The following NKAIN3 variants were observed in gnomAD, a reference collection of about 807,000 sequenced individuals.
NKAIN3 encodes sodium/potassium-transporting ATPase subunit beta-1-interacting protein 3.
A neutral mutation model predicts 30.2 loss-of-function variants in NKAIN3; 25 were observed. The observed-to-expected ratio is 0.83, with a 90% CI of 0.60 to 1.16. The LOEUF (loss-of-function observed/expected upper bound fraction) is 1.16, where lower values mean the gene tolerates loss of function less well. Ranked by LOEUF, NKAIN3 falls within the 50% of genes most tolerant of loss-of-function variation. The probability of loss-of-function intolerance (pLI) is 0.00; values close to 1 mark genes in which losing one functional copy is unlikely to be tolerated. For synonymous variants in NKAIN3, 91 were observed against 89.6 expected, an observed-to-expected ratio of 1.02 and a Z score of -0.09; for missense variants, 225 against 254.1, an observed-to-expected ratio of 0.89 and a Z score of 0.78.
chr8:62,719,676 A>T (rs1815020175), intron 3 of NKAIN3, among the ~76,000 whole-genome samples: 1 of 152,070 alleles, frequency 6.6e-6, no homozygotes, highest in South Asian at 2.1e-4. Flanking sequence ...CAGGTAAGTC[A>T]TAACTATCAC....
chr8:62,728,743 C>T (rs1481232030), intron 3 of NKAIN3, among the ~76,000 whole-genome samples: 1 of 151,908 alleles, frequency 6.6e-6, no homozygotes, highest in Non-Finnish European at 1.5e-5. Context: ...GTAATCCCAG[C>T]ACTTTGGGAG....
At chr8:62,932,071 T>G (rs1822634559) in intron 5 of NKAIN3, among the ~76,000 whole-genome samples, 1 of 152,226 alleles carries the variant, frequency 6.6e-6, no homozygotes, top group African/African-American at 2.4e-5. Flanking sequence ...AATTTTAGAC[T>G]TTTAAGTCCC....
rs1168169616 is a variant in NKAIN3 at position 62,482,191 on chromosome 8, A to AT, written c.55-97342dup. The AT allele has an allele frequency of 4.6e-5, 7 of 152,032 alleles. No homozygotes were observed. The East Asian group carries it at 1.4e-3, about 29-fold the overall frequency. The allele number at this position is 152,032 out of a possible 1,614,324, so 9.4% of individuals were successfully genotyped here. On this transcript the variant is annotated intron_variant, in intron 1 of 6. Coordinates refer to ENST00000623646, the MANE Select transcript of NKAIN3 (RefSeq NM_001304533.3). ...TCTCACACATGTCTTTGCTTTCTTT[A>AT]TTTTTTAATTCTAAGGTTAATTTTT...
intron 1 of NKAIN3, among the ~76,000 whole-genome samples, chr8:62,462,243 T>G (rs1007052389): frequency 1.3e-5 from 2 of 152,050 alleles, no homozygotes; most frequent in African/African-American, 4.8e-5. Flanking sequence ...TCAAAGAAGT[T>G]AGGCATAAGA....
chr8:62,717,000 T>C (rs779428968), intron 3 of NKAIN3, among the ~76,000 whole-genome samples: 5 of 152,158 alleles, frequency 3.3e-5, no homozygotes, highest in Non-Finnish European at 5.9e-5. Context: ...GTGCCTGATA[T>C]CCTAAATTAC....
At chr8:62,672,810 G>A (rs1813348491) in intron 3 of NKAIN3, among the ~76,000 whole-genome samples, 1 of 152,186 alleles carries the variant, frequency 6.6e-6, no homozygotes, top group African/African-American at 2.4e-5. Flanking sequence ...TTCATAGTAT[G>A]TGTCCATTTA....
intron 4 of NKAIN3, among the ~76,000 whole-genome samples, chr8:62,771,045 T>C (rs1816991851): frequency 6.7e-6 from 1 of 148,272 alleles, no homozygotes; most frequent in South Asian, 2.2e-4. Context: ...AAATAGATAT[T>C]TGTCTCTAAT....
chr8:62,817,379 T>A (rs540062943), intron 4 of NKAIN3, among the ~76,000 whole-genome samples: 1 of 152,284 alleles, frequency 6.6e-6, no homozygotes, highest in African/African-American at 2.4e-5. Flanking sequence ...ATTTTCAAAT[T>A]TTAGCTGTTA....
intron 1 of NKAIN3, among the ~76,000 whole-genome samples, chr8:62,517,837 A>G (rs1332002435): frequency 2.6e-5 from 4 of 152,128 alleles, no homozygotes; most frequent in South Asian, 4.1e-4. Flanking sequence ...CTAGTTCTCA[A>G]TGTTTGCTTT....
Position 62,965,372 on chromosome 8 carries a change from A to G in NKAIN3, c.622A>G (p.Ile208Val). 1 of 985,790 alleles carries G rather than the reference A, an allele frequency of 1.0e-6. No homozygotes were observed. The highest frequency in any genetic ancestry group is 1.2e-6 in the Non-Finnish European group (1 of 829,902). The allele number at this position is 985,790 out of a possible 1,614,324, so 61.1% of individuals were successfully genotyped here. Reference protein sequence around the residue: ...PVKPVEISNDIEPEMRLLNLT With the variant: ...PVKPVEISNDVEPEMRLLNLT ...GTTTTAGGTCGAAATAAGTAATGAC[A>G]TTGAACCAGAAATGCGGCTGCTGAA... Residue 208 changes from isoleucine (I) to valine (V), a missense_variant, in exon 7 of 7, where the codon ATT becomes GTT. Physicochemically the swap from Ile to Val is conservative, Grantham distance 29. Transcript: ENST00000623646.
chr8:62,536,440 C>G (rs950124027), intron 1 of NKAIN3, among the ~76,000 whole-genome samples: 1 of 152,064 alleles, frequency 6.6e-6, no homozygotes, highest in Non-Finnish European at 1.5e-5. Context: ...TATGTCCTTT[C>G]AAGAGGAGAT....
chr8:62,768,072 A>G (rs1816899684), intron 4 of NKAIN3, among the ~76,000 whole-genome samples: 1 of 152,136 alleles, frequency 6.6e-6, no homozygotes, highest in African/African-American at 2.4e-5. Context: ...AGGGTGATGC[A>G]GCCTCTGCTT....
chr8:62,568,832 A>T (rs1031203231), intron 1 of NKAIN3, among the ~76,000 whole-genome samples: 6 of 152,208 alleles, frequency 3.9e-5, no homozygotes, highest in Non-Finnish European at 8.8e-5. Context: ...TATAAACAGA[A>T]TTCAAGTAGC....
chr8:62,965,620 T>TAAAAAAA lies in NKAIN3; in HGVS notation c.*223_*229dup, dbSNP rs35150872. ...TTCTTATATGAACACTTGTAAGTTG[T>TAAAAAAA]AAAAAAAAAAAAAAAAGAAAAAACA... On this transcript the variant is annotated 3_prime_UTR_variant, in exon 7 of 7. Coordinates refer to ENST00000623646, the MANE Select transcript of NKAIN3 (RefSeq NM_001304533.3). The TAAAAAAA allele has an allele frequency of 1.1e-6, 1 of 885,928 alleles. No homozygotes were observed. The allele number at this position is 885,928 out of a possible 1,614,324, so 54.9% of individuals were successfully genotyped here.
At chr8:62,394,284 A>T (rs1817662647) in intron 1 of NKAIN3, among the ~76,000 whole-genome samples, 1 of 151,960 alleles carries the variant, frequency 6.6e-6, no homozygotes, top group Admixed American at 6.6e-5. Flanking sequence ...AATCTTGTTA[A>T]ATGTTTTTTC....
chr8:62,270,885 G>A (rs1763582890), intron 1 of NKAIN3, among the ~76,000 whole-genome samples: 1 of 152,116 alleles, frequency 6.6e-6, no homozygotes, highest in South Asian at 2.1e-4. Flanking sequence ...CAGTATTGAA[G>A]GGTTGGCTCA....
At chr8:62,499,177 T>C (rs779239186) in intron 1 of NKAIN3, among the ~76,000 whole-genome samples, 6 of 152,166 alleles carry the variant, frequency 3.9e-5, no homozygotes, top group Non-Finnish European at 8.8e-5. Flanking sequence ...CGTAAACTGC[T>C]GTGAATGTGA....
intron 1 of NKAIN3, among the ~76,000 whole-genome samples, chr8:62,496,177 C>A (rs1807230961): frequency 6.6e-6 from 1 of 152,054 alleles, no homozygotes; most frequent in Non-Finnish European, 1.5e-5. Context: ...TTTATAATAT[C>A]TAAGCATAAA....
At chr8:62,306,519 A>T (rs956180312) in intron 1 of NKAIN3, among the ~76,000 whole-genome samples, 4 of 147,216 alleles carry the variant, frequency 2.7e-5, no homozygotes, top group Non-Finnish European at 4.4e-5. Context: ...GTCAATGCCT[A>T]GAAGGCTTTG....
Sources: gnomAD v4.1 joint callset for allele counts (sites outside exome capture counted in the v4.1 genomes callset) on GRCh38, gnomAD v4.1.1 for gene constraint, MANE v1.5 for transcripts, NCBI Gene and HGNC (gene_info 2026-07-23, HGNC 2026-07-21) for gene names.